The following RBFOX1 variants were observed in gnomAD, a reference collection of about 807,000 sequenced individuals.
The protein encoded by RBFOX1 is RNA binding protein fox-1 homolog 1.
In RBFOX1, 8 loss-of-function variants were observed where a neutral mutation model predicts 57.7. That is an observed-to-expected ratio of 0.14 (90% CI 0.08 to 0.25). The LOEUF (loss-of-function observed/expected upper bound fraction) is 0.25, where lower values mean the gene tolerates loss of function less well. Among genes scored for constraint, RBFOX1 ranks in the 10% least tolerant of loss-of-function variants. The pLI, the probability that RBFOX1 is intolerant of heterozygous loss-of-function variation, is 1.00. For missense variants in RBFOX1, 611 were observed against 548.5 expected, an observed-to-expected ratio of 1.11 and a Z score of -1.14; for synonymous variants, 326 against 222.4, an observed-to-expected ratio of 1.47 and a Z score of -4.15.
At chr16:6,897,554 G>C (rs111924387) in intron 3 of RBFOX1, among the ~76,000 whole-genome samples, 4 of 152,364 alleles carry the variant, frequency 2.6e-5, no homozygotes, top group African/African-American at 7.2e-5. Context: ...AACACTTTGG[G>C]AGTCCAAGGC....
chr16:6,710,126 G>C (rs553855301), intron 3 of RBFOX1, among the ~76,000 whole-genome samples: 8 of 152,188 alleles, frequency 5.3e-5, no homozygotes, highest in African/African-American at 1.7e-4. Flanking sequence ...CATGAGTTTT[G>C]GGACTGAGGG....
chr16:7,354,267 G>A (rs922530633), intron 4 of RBFOX1, among the ~76,000 whole-genome samples: 11 of 152,080 alleles, frequency 7.2e-5, no homozygotes, highest in African/African-American at 1.7e-4. Flanking sequence ...CACCATGCTT[G>A]GCCCGAATTG....
intron 2 of RBFOX1, among the ~76,000 whole-genome samples, chr16:5,537,832 T>C (rs968085139): frequency 2.0e-5 from 3 of 152,256 alleles, no homozygotes; most frequent in Non-Finnish European, 4.4e-5. Flanking sequence ...TCTCAAGCTG[T>C]ATATCTTTAA....
intron 3 of RBFOX1, among the ~76,000 whole-genome samples, chr16:6,927,376 C>G (rs562704328): frequency 4.4e-5 from 6 of 137,544 alleles, no homozygotes; most frequent in East Asian, 4.2e-4. Flanking sequence ...TCGCACCGCT[C>G]CACTCCAGCC....
At chr16:6,998,479 T>A (rs1331325478) in intron 3 of RBFOX1, among the ~76,000 whole-genome samples, 3 of 152,148 alleles carry the variant, frequency 2.0e-5, no homozygotes, top group Non-Finnish European at 4.4e-5. Context: ...AGGGAAAAGA[T>A]GATGTCAGAG....
At chr16:7,119,179 A>T (rs1600056548) in intron 4 of RBFOX1, among the ~76,000 whole-genome samples, 1 of 152,196 alleles carries the variant, frequency 6.6e-6, no homozygotes, top group Non-Finnish European at 1.5e-5. Flanking sequence ...AGAAACCTAC[A>T]CCACAGAAAT....
intron 3 of RBFOX1, among the ~76,000 whole-genome samples, chr16:6,890,354 A>C (rs549737139): frequency 7.2e-5 from 11 of 152,170 alleles, no homozygotes; most frequent in Non-Finnish European, 1.6e-4. Context: ...CCCCGTCTCT[A>C]CTAAAAATAC....
intron 4 of RBFOX1, among the ~76,000 whole-genome samples, chr16:7,377,997 T>A (rs7191169): frequency 0.026 from 3,913 of 152,240 alleles, 171 homozygotes; most frequent in African/African-American, 0.089. Flanking sequence ...GGGAACAGAA[T>A]GTGCAAAGTC....
At position 7,462,287 on chromosome 16, in the gene RBFOX1, G is replaced by A. The variant is rs567843863; in HGVS notation, c.28-55860G>A. Among the ~76,000 whole-genome samples, 9 of 152,306 alleles carry A rather than the reference G, an allele frequency of 5.9e-5. No homozygotes were observed. In the South Asian group the frequency reaches 1.9e-3, roughly 32 times the overall value. On this transcript the variant is annotated intron_variant, in intron 4 of 15. Coordinates refer to ENST00000550418, the MANE Select transcript of RBFOX1 (RefSeq NM_018723.4). ...GAGTAAAAGAAACACCCGGGGTCAG[G>A]AGTTCAAAACTAGCCTGGCCAATAT...
At chr16:7,455,954 T>C (rs1417158533) in intron 4 of RBFOX1, among the ~76,000 whole-genome samples, 1 of 152,186 alleles carries the variant, frequency 6.6e-6, no homozygotes, top group African/African-American at 2.4e-5. Flanking sequence ...TGTCCCCTGT[T>C]TGGAAATGTC....
intron 2 of RBFOX1, among the ~76,000 whole-genome samples, chr16:6,496,465 C>G (rs953838881): frequency 1.3e-5 from 2 of 152,102 alleles, no homozygotes; most frequent in African/African-American, 4.8e-5. Flanking sequence ...TTTTAATAGC[C>G]GTGTTGTGGT....
At chr16:6,459,014 A>C (rs1260540291) in intron 2 of RBFOX1, among the ~76,000 whole-genome samples, 1 of 152,222 alleles carries the variant, frequency 6.6e-6, no homozygotes, top group Non-Finnish European at 1.5e-5. Context: ...CTAGAAATTA[A>C]GTGCTTTGGA....
chr16:5,932,883 C>G (rs1271505105), intron 4 of RBFOX1, among the ~76,000 whole-genome samples: 1 of 152,042 alleles, frequency 6.6e-6, no homozygotes, highest in Non-Finnish European at 1.5e-5. Context: ...GTGGCATTGC[C>G]AAGCCATTTG....
At chr16:6,376,334 G>A (rs1567150737) in intron 2 of RBFOX1, among the ~76,000 whole-genome samples, 1 of 152,016 alleles carries the variant, frequency 6.6e-6, no homozygotes. Flanking sequence ...AAGGGCCCCT[G>A]CAAAGTATCA....
At chr16:6,669,541 C>T (rs2154108331) in intron 3 of RBFOX1, among the ~76,000 whole-genome samples, 1 of 152,200 alleles carries the variant, frequency 6.6e-6, no homozygotes, top group Admixed American at 6.5e-5. Flanking sequence ...AGATATACAG[C>T]TTGACGTTTT....
At chr16:6,687,783 C>G (rs1484992308) in intron 3 of RBFOX1, among the ~76,000 whole-genome samples, 3 of 152,168 alleles carry the variant, frequency 2.0e-5, no homozygotes, top group East Asian at 1.9e-4. Context: ...TCACATGACA[C>G]TCCTCTTACT....
intron 1 of RBFOX1, among the ~76,000 whole-genome samples, chr16:6,088,501 C>G (rs1380247039): frequency 6.7e-6 from 1 of 150,306 alleles, no homozygotes; most frequent in Non-Finnish European, 1.5e-5. Flanking sequence ...TCCTCCCTCC[C>G]TTCCTTCCTC....
At chr16:5,250,770 C>G (rs1596306093) in intron 1 of RBFOX1, among the ~76,000 whole-genome samples, 2 of 152,198 alleles carry the variant, frequency 1.3e-5, no homozygotes, top group South Asian at 2.1e-4. Context: ...TTAACCAGCC[C>G]TGCACCGATA....
At chr16:7,213,065 G>A (rs1232312816) in intron 4 of RBFOX1, among the ~76,000 whole-genome samples, 1 of 152,198 alleles carries the variant, frequency 6.6e-6, no homozygotes, top group Non-Finnish European at 1.5e-5. Context: ...GAAAGCCAGA[G>A]ATTGGAATAG....
Sources: gnomAD v4.1 joint callset for allele counts (sites outside exome capture counted in the v4.1 genomes callset) on GRCh38, gnomAD v4.1.1 for gene constraint, MANE v1.5 for transcripts, NCBI Gene and HGNC (gene_info 2026-07-23, HGNC 2026-07-21) for gene names.